Variants in NCKAP5 observed in about 807,000 individuals in gnomAD.
NCKAP5 encodes NCK associated protein 5.
NCKAP5 carries 92 observed loss-of-function variants against 167.0 expected under a neutral mutation model. The ratio of observed to expected loss-of-function variants is 0.55; its 90% CI spans 0.47 to 0.66. NCKAP5 has a LOEUF of 0.66. NCKAP5 is among the 30% of genes least tolerant of loss of function. NCKAP5 has a pLI of 0.00. For synonymous variants in NCKAP5, 891 were observed against 877.4 expected (o/e 1.02, Z -0.27); for missense variants, 2,378 against 2,315.0 (o/e 1.03, Z -0.56).
the NCKAP5 span, among the ~76,000 whole-genome samples, chr2:133,615,719 A>T: frequency 1.3e-5 from 2 of 152,196 alleles, no homozygotes. Flanking sequence ...TTAACACCCC[A>T]CTGTCAACAT....
chr2:133,248,329 AG>A (rs1448504337), intron 4 of NCKAP5, among the ~76,000 whole-genome samples: 3 of 152,234 alleles, frequency 2.0e-5, no homozygotes. Flanking sequence ...CTATTCAGAA[AG>A]GGTTTCTTTT....
At chr2:132,830,546 A>G (rs16842048) in intron 11 of NCKAP5, among the ~76,000 whole-genome samples, 6,986 of 152,116 alleles carry the variant, frequency 0.046, 360 homozygotes, top group African/African-American at 0.12. Context: ...TTGGGCCTAT[A>G]AGGCACTTCC....
intron 6 of NCKAP5, among the ~76,000 whole-genome samples, chr2:133,113,276 TG>T (rs1435927859): frequency 6.6e-6 from 1 of 152,210 alleles, no homozygotes; most frequent in Non-Finnish European, 1.5e-5. Context: ...CTAAATCTTT[TG>T]AAGTTGCTAA....
At chr2:133,185,420 C>T (rs974452319) in intron 5 of NCKAP5, among the ~76,000 whole-genome samples, 1 of 151,906 alleles carries the variant, frequency 6.6e-6, no homozygotes, top group Non-Finnish European at 1.5e-5. Context: ...GCTTCTTTTG[C>T]TCCAGAATTC....
chr2:133,214,790 C>T (rs956560), intron 4 of NCKAP5, among the ~76,000 whole-genome samples: 64,689 of 151,996 alleles, frequency 0.43, 14,865 homozygotes, highest in Non-Finnish European at 0.51. Flanking sequence ...ATTTGAGTGA[C>T]ATTTCATCCC....
intron 3 of NCKAP5, among the ~76,000 whole-genome samples, chr2:133,449,648 T>A (rs910346809): frequency 1.3e-5 from 2 of 152,184 alleles, no homozygotes; most frequent in African/African-American, 4.8e-5. Flanking sequence ...TCAAATTCTC[T>A]ATCTTCAAAA....
intron 18 of NCKAP5, among the ~76,000 whole-genome samples, chr2:132,728,445 C>T (rs1690675316): frequency 6.6e-6 from 1 of 152,078 alleles, no homozygotes. Context: ...TTCATAAGAA[C>T]AAAGTAAAGG....
chr2:133,319,032 G>A (rs189323209), intron 3 of NCKAP5, among the ~76,000 whole-genome samples: 1 of 152,168 alleles, frequency 6.6e-6, no homozygotes, highest in Admixed American at 6.5e-5. Flanking sequence ...GCCCAACAAT[G>A]TATGGTTTTA....
At chr2:132,887,813 A>G (rs1363609684) in intron 8 of NCKAP5, among the ~76,000 whole-genome samples, 1 of 152,110 alleles carries the variant, frequency 6.6e-6, no homozygotes, top group African/African-American at 2.4e-5. Context: ...TACTCCACTA[A>G]TTTTTAAAAA....
intron 4 of NCKAP5, among the ~76,000 whole-genome samples, chr2:133,288,570 C>CT (rs370426619): frequency 3.9e-3 from 565 of 145,462 alleles, no homozygotes; most frequent in South Asian, 6.0e-3. Context: ...GTACAATTAA[C>CT]TTTTTTTTTT....
the NCKAP5 span, among the ~76,000 whole-genome samples, chr2:133,671,968 G>A: frequency 6.6e-6 from 1 of 152,172 alleles, no homozygotes; most frequent in African/African-American, 2.4e-5. Context: ...TGCTGTTACT[G>A]AATCCTGACC....
intron 5 of NCKAP5, among the ~76,000 whole-genome samples, chr2:133,185,477 G>GT (rs199865453): frequency 0.013 from 1,935 of 150,960 alleles, 42 homozygotes; most frequent in African/African-American, 0.044. Context: ...TTTTAGAACA[G>GT]TTTTTTTTTC....
intron 8 of NCKAP5, among the ~76,000 whole-genome samples, chr2:132,899,767 C>T (rs779352789): frequency 6.6e-6 from 1 of 152,068 alleles, no homozygotes; most frequent in Non-Finnish European, 1.5e-5. Flanking sequence ...CCCAGCTACT[C>T]GGGAGCCTGA....
chr2:133,138,944 G>T (rs760631420), intron 5 of NCKAP5, among the ~76,000 whole-genome samples: 1 of 152,142 alleles, frequency 6.6e-6, no homozygotes, highest in Non-Finnish European at 1.5e-5. Flanking sequence ...CAGTCACAGT[G>T]TGGCCACCTG....
At chr2:133,305,899 T>A (rs1398009758) in intron 3 of NCKAP5, among the ~76,000 whole-genome samples, 1 of 152,250 alleles carries the variant, frequency 6.6e-6, no homozygotes, top group African/African-American at 2.4e-5. Flanking sequence ...TGCCTCAATA[T>A]AACGCTAACA....
intron 4 of NCKAP5, among the ~76,000 whole-genome samples, chr2:133,265,970 A>T (rs1196088664): frequency 6.6e-6 from 1 of 152,230 alleles, no homozygotes; most frequent in Non-Finnish European, 1.5e-5. Flanking sequence ...ACAGAACTCA[A>T]GATCTGCCCC....
At chr2:132,895,326 C>A (rs1693091932) in intron 8 of NCKAP5, among the ~76,000 whole-genome samples, 1 of 123,886 alleles carries the variant, frequency 8.1e-6, no homozygotes, top group Non-Finnish European at 1.6e-5. Flanking sequence ...GTCTTTGAGA[C>A]TTTGTCTGAG....
At chr2:133,304,862 T>C (rs896954161) in intron 3 of NCKAP5, among the ~76,000 whole-genome samples, 1 of 152,224 alleles carries the variant, frequency 6.6e-6, no homozygotes, top group Non-Finnish European at 1.5e-5. Flanking sequence ...TCGTTTCATG[T>C]TGGTTACGTG....
intron 7 of NCKAP5, among the ~76,000 whole-genome samples, chr2:132,983,729 A>G (rs192363221): frequency 6.6e-6 from 1 of 152,320 alleles, no homozygotes; most frequent in African/African-American, 2.4e-5. Flanking sequence ...GGCAACTTCA[A>G]TAGACTTCTC....
Sources: allele counts gnomAD v4.1 joint callset (sites outside exome capture counted in the v4.1 genomes callset), GRCh38; gene constraint gnomAD v4.1.1; transcripts MANE v1.5; gene names NCBI Gene and HGNC (gene_info 2026-07-23, HGNC 2026-07-21).